SOX6: variants seen among roughly 807,000 people sequenced by gnomAD.
SOX6 encodes SRY-box transcription factor 6.
Under a neutral mutation model 97.8 loss-of-function variants are expected in SOX6, and 11 were observed. The observed-to-expected ratio is 0.11, with a 90% CI of 0.07 to 0.19. The LOEUF is 0.19. Ranked by LOEUF, SOX6 falls within the 10% of genes least tolerant of loss-of-function variation. The pLI, the probability that SOX6 is intolerant of heterozygous loss-of-function variation, is 1.00. For synonymous variants in SOX6, 360 were observed against 371.4 expected, an observed-to-expected ratio of 0.97 and a Z score of 0.35; for missense variants, 810 against 1,039.5, an observed-to-expected ratio of 0.78 and a Z score of 3.04.
chr11:16,173,606 GTGTT>G (rs1190402043), intron 6 of SOX6, among the ~76,000 whole-genome samples: 6 of 118,108 alleles, frequency 5.1e-5, no homozygotes, highest in Admixed American at 1.6e-4. Context: ...TACTAGAAAA[GTGTT>G]TGTTTTTTTT....
chr11:16,720,968 G>A (rs1848256610), intron 2 of SOX6, among the ~76,000 whole-genome samples: 1 of 151,942 alleles, frequency 6.6e-6, no homozygotes, highest in South Asian at 2.1e-4. Flanking sequence ...AACCACAAAG[G>A]GACTATACTG....
intron 4 of SOX6, among the ~76,000 whole-genome samples, chr11:16,544,987 C>A (rs183887315): frequency 1.9e-3 from 294 of 152,050 alleles, no homozygotes; most frequent in Middle Eastern, 6.8e-3. Flanking sequence ...CTTTAGGAGG[C>A]CAAAGCAGGA....
chr11:16,349,443 C>CT, intron 1 of SOX6, among the ~76,000 whole-genome samples: 1 of 151,104 alleles, frequency 6.6e-6, no homozygotes, highest in South Asian at 2.1e-4. Flanking sequence ...AAGGTGAAAC[C>CT]TGTCTCTACT....
intron 3 of SOX6, among the ~76,000 whole-genome samples, chr11:16,273,456 T>G (rs1344114482): frequency 6.6e-6 from 1 of 151,962 alleles, no homozygotes; most frequent in Non-Finnish European, 1.5e-5. Flanking sequence ...AGTATTCTTC[T>G]GAATGAATGA....
At chr11:16,562,661 C>T (rs1847829154) in intron 4 of SOX6, among the ~76,000 whole-genome samples, 1 of 152,074 alleles carries the variant, frequency 6.6e-6, no homozygotes, top group Non-Finnish European at 1.5e-5. Context: ...GGACTTTTAC[C>T]CCCACCAGCC....
chr11:16,046,024 C>G (rs1855817332), intron 12 of SOX6, among the ~76,000 whole-genome samples: 1 of 152,142 alleles, frequency 6.6e-6, no homozygotes, highest in Admixed American at 6.6e-5. Flanking sequence ...ATAGAATAAA[C>G]AATAAATAAT....
At chr11:16,512,899 A>G (rs1024574464) in intron 4 of SOX6, among the ~76,000 whole-genome samples, 1 of 152,240 alleles carries the variant, frequency 6.6e-6, no homozygotes, top group African/African-American at 2.4e-5. Flanking sequence ...AGGGTCCAGA[A>G]GAAGGGAATG....
intron 9 of SOX6, among the ~76,000 whole-genome samples, chr11:16,067,365 G>C (rs1299474896): frequency 6.6e-6 from 1 of 152,072 alleles, no homozygotes; most frequent in African/African-American, 2.4e-5. Context: ...ATGGGGGCTG[G>C]GTTTTTCCCG....
intron 4 of SOX6, 80 bp downstream of exon 4, chr11:16,234,502 C>T (rs1852956640): frequency 2.5e-6 from 2 of 811,920 alleles, no homozygotes; most frequent in Non-Finnish European, 4.1e-6. Context: ...TGTTACAGTA[C>T]AGAAGATCAG....
chr11:16,615,984 C>G (rs1452010833), intron 3 of SOX6, among the ~76,000 whole-genome samples: 1 of 152,080 alleles, frequency 6.6e-6, no homozygotes, highest in African/African-American at 2.4e-5. Flanking sequence ...CAGAAATAAA[C>G]TTTAGTCACT....
At chr11:16,007,543 G>A (rs1854591805) in intron 13 of SOX6, among the ~76,000 whole-genome samples, 1 of 152,044 alleles carries the variant, frequency 6.6e-6, no homozygotes, top group Non-Finnish European at 1.5e-5. Flanking sequence ...ATGAAGAAAA[G>A]GAAACGGCCA....
At chr11:16,165,079 A>G (rs1380546248) in intron 6 of SOX6, among the ~76,000 whole-genome samples, 3 of 152,208 alleles carry the variant, frequency 2.0e-5, no homozygotes, top group Non-Finnish European at 4.4e-5. Flanking sequence ...AATGATTTTC[A>G]GTATATTTTC....
chr11:16,210,454 G>A (rs554322861), intron 4 of SOX6, among the ~76,000 whole-genome samples: 1 of 152,158 alleles, frequency 6.6e-6, no homozygotes, highest in Admixed American at 6.5e-5. Flanking sequence ...GAGATAGAAA[G>A]TAGATTAGTG....
At chr11:16,372,951 C>T (rs552727313) in intron 1 of SOX6, among the ~76,000 whole-genome samples, 2 of 152,124 alleles carry the variant, frequency 1.3e-5, no homozygotes, top group South Asian at 4.1e-4. Context: ...TTAGTTAGTG[C>T]GAACTATGTT....
chr11:16,241,982 G>C (rs749449679), intron 3 of SOX6, among the ~76,000 whole-genome samples: 1 of 151,928 alleles, frequency 6.6e-6, no homozygotes, highest in Non-Finnish European at 1.5e-5. Context: ...ATTAATTTGA[G>C]TTGGGTTTCT....
chr11:16,318,367 T>A (rs1317219241), intron 3 of SOX6, 79 bp downstream of exon 3: 3 of 1,475,246 alleles, frequency 2.0e-6, no homozygotes, highest in East Asian at 4.6e-5. Flanking sequence ...ACCCTTGAAA[T>A]CCCACTTTTT....
At chr11:16,112,056 T>C in intron 6 of SOX6, 133 bp from the exon 7 acceptor site, 1 of 1,150,946 alleles carries the variant, frequency 8.7e-7, no homozygotes, top group East Asian at 2.5e-5. Context: ...ATCTGCAATC[T>C]GAGAAAATTC....
chr11:16,701,065 TAC>T (rs1848089072), intron 3 of SOX6, among the ~76,000 whole-genome samples: 1 of 152,242 alleles, frequency 6.6e-6, no homozygotes, highest in Non-Finnish European at 1.5e-5. Context: ...GCCTCTTAGT[TAC>T]ACTTACTATT....
chr11:16,692,733 C>T (rs1026889835), intron 3 of SOX6, among the ~76,000 whole-genome samples: 3 of 152,190 alleles, frequency 2.0e-5, no homozygotes, highest in Non-Finnish European at 2.9e-5. Flanking sequence ...TGTGTACACA[C>T]ACACACATTG....
Sources: gnomAD v4.1 joint callset for allele counts (sites outside exome capture counted in the v4.1 genomes callset) on GRCh38, gnomAD v4.1.1 for gene constraint, MANE v1.5 for transcripts, NCBI Gene and HGNC (gene_info 2026-07-23, HGNC 2026-07-21) for gene names.